Variants in ARHGEF28 observed in about 807,000 individuals in gnomAD.
ARHGEF28 encodes Rho guanine nucleotide exchange factor 28.
ARHGEF28 carries 152 observed loss-of-function variants against 206.6 expected under a neutral mutation model. The observed-to-expected ratio is 0.74, with a 90% confidence interval of 0.64 to 0.84. ARHGEF28 has a LOEUF of 0.84. ARHGEF28 is among the 40% of genes least tolerant of loss of function. The pLI is 0.00. For synonymous variants in ARHGEF28, 763 were observed against 776.4 expected (o/e 0.98, Z 0.29); for missense variants, 2,028 against 2,073.2 (o/e 0.98, Z 0.42).
chr5:73,783,386 A>C (rs1554063114), intron 7 of ARHGEF28, among the ~76,000 whole-genome samples: 1 of 38,828 alleles, frequency 2.6e-5, no homozygotes, highest in Non-Finnish European at 7.1e-5. Flanking sequence ...GTGTGTGTGT[A>C]TGTGTGTGTG....
At chr5:73,871,281 A>G (rs763005915) in intron 21 of ARHGEF28, among the ~76,000 whole-genome samples, 1 of 152,214 alleles carries the variant, frequency 6.6e-6, no homozygotes, top group African/African-American at 2.4e-5. Context: ...AGATAAGGAA[A>G]ATCATTCCTA....
intron 35 of ARHGEF28, 28 bp downstream of exon 35, chr5:73,911,603 A>G (rs760254642): frequency 6.5e-7 from 1 of 1,547,550 alleles, no homozygotes; most frequent in South Asian, 1.2e-5. Context: ...CATCATCTGT[A>G]TAGTTTGAAC....
At chr5:73,859,774 C>T (rs1759275570) in intron 16 of ARHGEF28, among the ~76,000 whole-genome samples, 1 of 152,130 alleles carries the variant, frequency 6.6e-6, no homozygotes, top group Admixed American at 6.5e-5. Context: ...TGTTGTTCCA[C>T]CCTTGTGGGT....
chr5:73,927,455 A>G (rs139565074), intron 35 of ARHGEF28, among the ~76,000 whole-genome samples: 2 of 152,342 alleles, frequency 1.3e-5, no homozygotes, highest in East Asian at 1.9e-4. Context: ...TTATTGCTAT[A>G]TATCATTTGT....
intron 4 of ARHGEF28, among the ~76,000 whole-genome samples, chr5:73,771,836 C>T (rs1487968433): frequency 2.0e-5 from 3 of 152,098 alleles, no homozygotes; most frequent in Non-Finnish European, 4.4e-5. Flanking sequence ...GATAAGTTCT[C>T]TAATAGCTAA....
chr5:73,847,864 G>T (rs779764752), intron 12 of ARHGEF28, among the ~76,000 whole-genome samples: 1 of 152,160 alleles, frequency 6.6e-6, no homozygotes, highest in African/African-American at 2.4e-5. Flanking sequence ...CCTTCTTGAC[G>T]TCTAGGCCCG....
rs766559675 is a variant in ARHGEF28, at chr5:73,909,507, C to T, written c.4257C>T (p.Gly1419=). The change falls in exon 34 of 36, where the codon GGC becomes GGT. Residue 1419 remains glycine, a synonymous_variant. Transcript: ENST00000513042. ...GLSLGHSILR[G]GPLQDQKSRD... is the part of the protein sequence containing the mutation. ...CTCTCGGCCACTCTATCCTCCGAGG[C>T]GGCCCCTTGCAGGACCAGAAGTCTC... 6.8e-6 allele frequency: 11 copies of T among 1,608,062 alleles called. No homozygotes were observed. Among genetic ancestry groups the T allele is most frequent in the East Asian group, 2.2e-5 (1 of 44,654 alleles).
In ARHGEF28 at chr5:73,941,093, G is replaced by T; in HGVS notation, c.*80G>T. On this transcript the variant is annotated 3_prime_UTR_variant, in exon 36 of 36. Transcript: ENST00000513042. ...TTTTGTCTCCATTCCTTATGTATGT[G>T]TGATTGTCTGTGTCCAAATTGCTTT... 7.9e-7 allele frequency: 1 copy of T among 1,262,476 alleles called. No homozygotes were observed. The allele number at this position is 1,262,476 out of a possible 1,614,324, so 78.2% of individuals were successfully genotyped here. A position where few individuals can be genotyped will look rare whatever the true frequency, so the allele number is the denominator to read the frequency against.
chr5:73,923,191 C>A (rs759930320), intron 35 of ARHGEF28: 2 of 1,528,562 alleles, frequency 1.3e-6, no homozygotes, highest in Admixed American at 4.0e-5. Flanking sequence ...GGTGCTTAGC[C>A]TTCTTTTAGG....
At chr5:73,747,615 A>G (rs925887689) in intron 2 of ARHGEF28, among the ~76,000 whole-genome samples, 3 of 152,164 alleles carry the variant, frequency 2.0e-5, no homozygotes, top group Middle Eastern at 6.8e-3. Context: ...TGGTTTCTGT[A>G]TCACCCCCTT....
chr5:73,671,697 TATATATA>T, intron 1 of ARHGEF28, among the ~76,000 whole-genome samples: 1 of 11,156 alleles, frequency 9.0e-5, no homozygotes, highest in African/African-American at 2.3e-4. Flanking sequence ...AACTTGATTA[TATATATA>T]TATATATATA....
chr5:73,746,060 A>G (rs897147070), intron 2 of ARHGEF28, among the ~76,000 whole-genome samples: 3 of 152,124 alleles, frequency 2.0e-5, no homozygotes, highest in Non-Finnish European at 4.4e-5. Context: ...AGTTTTGGCA[A>G]GGTTGGGGTG....
intron 2 of ARHGEF28, among the ~76,000 whole-genome samples, chr5:73,718,578 G>A (rs1016715672): frequency 7.9e-5 from 12 of 151,940 alleles, no homozygotes; most frequent in African/African-American, 2.9e-4. Context: ...AGGCATAGAC[G>A]GTACGTTGGT....
At chr5:73,795,237 G>A in intron 8 of ARHGEF28, 94 bp from the exon 9 acceptor site, 1 of 1,117,362 alleles carries the variant, frequency 8.9e-7, no homozygotes, top group South Asian at 1.3e-5. Context: ...TTTCATTGAT[G>A]CTTTCCAAGG....
chr5:73,681,422 A>G (rs1256952023), intron 1 of ARHGEF28, among the ~76,000 whole-genome samples: 1 of 152,094 alleles, frequency 6.6e-6, no homozygotes, highest in Non-Finnish European at 1.5e-5. Flanking sequence ...AACAATTTAT[A>G]CTCGGAATAG....
chr5:73,773,827 A>G, intron 4 of ARHGEF28, 28 bp from the exon 5 acceptor site: 1 of 1,547,652 alleles, frequency 6.5e-7, no homozygotes. Flanking sequence ...TGGAGGAACT[A>G]ATATGGTATG....
rs565573733 is a variant in ARHGEF28, at chr5:73,852,837, T to A, written c.1790+145T>A. ...CTAAGACCCTTTGCTCCCTCTGGGA[T>A]CTGTATCAGGATAGATCTGCCAGCC... On this transcript the variant is annotated intron_variant, in intron 14 of 35. Coordinates refer to ENST00000513042, the MANE Select transcript of ARHGEF28 (RefSeq NM_001177693.2). 8.0e-5 allele frequency: 69 copies of A among 857,556 alleles called. No individual in the cohort carries two copies. The East Asian group carries it at 1.7e-3, about 21-fold the overall frequency. 53.1% of individuals were successfully genotyped at this position (857,556 alleles called of 1,614,324 possible). A position where few individuals can be genotyped will look rare whatever the true frequency, so the allele number is the denominator to read the frequency against.
intron 7 of ARHGEF28, among the ~76,000 whole-genome samples, chr5:73,789,540 T>G (rs2112476665): frequency 6.6e-6 from 1 of 152,258 alleles, no homozygotes; most frequent in East Asian, 1.9e-4. Context: ...AAGTGTATAC[T>G]CTAAATGGGT....
intron 2 of ARHGEF28, among the ~76,000 whole-genome samples, chr5:73,741,354 T>TGC (rs2112375037): frequency 2.0e-5 from 1 of 48,808 alleles, no homozygotes; most frequent in African/African-American, 1.0e-4. Flanking sequence ...TGTGTGTGTG[T>TGC]GTGTGTGTGT....
Sources: gnomAD v4.1 joint callset for allele counts (sites outside exome capture counted in the v4.1 genomes callset) on GRCh38, gnomAD v4.1.1 for gene constraint, MANE v1.5 for transcripts, NCBI Gene and HGNC (gene_info 2026-07-23, HGNC 2026-07-21) for gene names.